MAN1C1: variants seen among roughly 807,000 people sequenced by gnomAD.
The protein encoded by MAN1C1 is mannosidase alpha class 1C member 1.
In MAN1C1, 49 loss-of-function variants were observed where a neutral mutation model predicts 71.5. The observed-to-expected ratio is 0.69, with a 90% CI of 0.54 to 0.87. The LOEUF is 0.87. MAN1C1 is among the 40% of genes least tolerant of loss of function. The pLI is 0.00. For synonymous variants in MAN1C1, 352 were observed against 343.7 expected (o/e 1.02, Z -0.27); for missense variants, 743 against 835.0 (o/e 0.89, Z 1.36).
intron 1 of MAN1C1, among the ~76,000 whole-genome samples, chr1:25,636,934 C>T (rs939828122): frequency 6.6e-6 from 1 of 152,092 alleles, no homozygotes; most frequent in African/African-American, 2.4e-5. Flanking sequence ...GCAGGTGGAT[C>T]ACTTGGGGTC....
At chr1:25,700,810 C>A (rs1310152037) in intron 2 of MAN1C1, among the ~76,000 whole-genome samples, 1 of 152,152 alleles carries the variant, frequency 6.6e-6, no homozygotes, top group Non-Finnish European at 1.5e-5. Context: ...GGGGGACAGG[C>A]CAGGCCAAGC....
intron 1 of MAN1C1, among the ~76,000 whole-genome samples, chr1:25,673,768 A>G (rs1054625294): frequency 4.6e-5 from 7 of 152,200 alleles, no homozygotes; most frequent in Non-Finnish European, 1.0e-4. Flanking sequence ...GCATGACACA[A>G]TATGTCCCAT....
At position 25,784,225 on chromosome 1, in the gene MAN1C1, A is replaced by C. The variant is rs2047737055; in HGVS notation, c.*436A>C. ...TTCTAAAATGGTGTCATCCTGAAAAACAAAACCCAGTGTTTGCACACACAC... is the reference window on the plus strand; with the variant it reads ...TTCTAAAATGGTGTCATCCTGAAAACCAAAACCCAGTGTTTGCACACACAC... On this transcript the variant is annotated 3_prime_UTR_variant, in exon 12 of 12. Coordinates refer to ENST00000374332, the MANE Select transcript of MAN1C1 (RefSeq NM_020379.4). 6.4e-6 allele frequency: 1 copy of C among 156,136 alleles called. No homozygotes were observed. Among genetic ancestry groups the C allele is most frequent in the African/African-American group, 2.4e-5 (1 of 41,538 alleles). The allele number at this position is 156,136 out of a possible 1,614,324, so 9.7% of individuals were successfully genotyped here.
Position 25,617,876 on chromosome 1 carries a change from C to A in MAN1C1, c.79C>A (p.Leu27Ile), listed in dbSNP as rs767840940. ...GCTGCCGCAGAAGTTCCTCTTCCTC[C>A]TCTTCCTCTCGGGCCTGGTCACCCT... The part of the protein sequence containing the change: ...LRLPQKFLFL[L>I]FLSGLVTLCF... Residue 27 changes from leucine to isoleucine, a missense_variant, in exon 1 of 12, where the codon CTC becomes ATC. Physicochemically the swap from Leu to Ile is conservative, Grantham distance 5 (BLOSUM62 2). Coordinates refer to ENST00000374332, the MANE Select transcript of MAN1C1 (RefSeq NM_020379.4). The surrounding 1 kb of genome is among the most constrained non-coding windows in gnomAD (Gnocchi z 5.1). 6.2e-7 allele frequency: 1 copy of A among 1,608,704 alleles called. No individual in the cohort carries two copies. The highest frequency in any genetic ancestry group is 8.5e-7 in the Non-Finnish European group (1 of 1,178,324).
chr1:25,687,139 G>A (rs758553536), intron 2 of MAN1C1, among the ~76,000 whole-genome samples: 10 of 152,130 alleles, frequency 6.6e-5, no homozygotes, highest in Admixed American at 6.5e-5. Context: ...AAACAAAAGG[G>A]TATAGAGTCA....
intron 1 of MAN1C1, among the ~76,000 whole-genome samples, chr1:25,652,769 G>A (rs922504463): frequency 2.0e-5 from 3 of 152,178 alleles, no homozygotes; most frequent in Non-Finnish European, 4.4e-5. Context: ...GCAGTGCTCA[G>A]CAGGGTGCCT....
At position 25,617,668 on chromosome 1, in the gene MAN1C1, A is replaced by G. The variant is rs1012188987; in HGVS notation, c.-130A>G. The G allele has an allele frequency of 8.2e-6, 6 of 729,516 alleles. No homozygotes were observed. Among genetic ancestry groups the G allele is most frequent in the Non-Finnish European group, 1.3e-5 (6 of 475,036 alleles). 45.2% of individuals were successfully genotyped at this position (729,516 alleles called of 1,614,324 possible). On this transcript the variant is annotated 5_prime_UTR_variant, in exon 1 of 12. Coordinates refer to ENST00000374332, the MANE Select transcript of MAN1C1 (RefSeq NM_020379.4). This position sits in a 1 kb window ranked among gnomAD's most constrained non-coding sequence, Gnocchi z 5.1. The stretch of plus-strand genomic sequence containing the variant: ...GGGGACAGTCCCCCGAAGCGGCGAA[A>G]CTCTCAGGGTTGGCAACCCTGCCCA...
intron 1 of MAN1C1, among the ~76,000 whole-genome samples, chr1:25,669,938 A>G (rs1372166481): frequency 6.6e-6 from 1 of 152,248 alleles, no homozygotes; most frequent in African/African-American, 2.4e-5. Flanking sequence ...TGTCAGGAGA[A>G]TGTTGCTGAT....
rs996082673 is a variant in MAN1C1, at chr1:25,776,937, C to T, written c.1258-1168C>T. On this transcript the variant is annotated intron_variant, in intron 8 of 11. Coordinates refer to ENST00000374332, the MANE Select transcript of MAN1C1 (RefSeq NM_020379.4). This position sits in a 1 kb window ranked among gnomAD's most constrained non-coding sequence, Gnocchi z 4.3. The stretch of plus-strand genomic sequence containing the variant: ...TTAATGCTCTTATCCCCAGTTTACA[C>T]GTTAGGAAACTGAGGCACAGAGAGA... Among the ~76,000 whole-genome samples, 5 of 152,112 alleles carry T rather than the reference C, an allele frequency of 3.3e-5. No homozygotes were observed. Among genetic ancestry groups the T allele is most frequent in the African/African-American group, 7.2e-5 (3 of 41,392 alleles).
In MAN1C1 at chr1:25,623,620, C is replaced by A. The variant is rs574484348; in HGVS notation, c.540+5283C>A. Among the ~76,000 whole-genome samples the A allele has an allele frequency of 3.9e-5, 6 of 152,320 alleles. 1 individual carries two copies. In the South Asian group the frequency reaches 1.2e-3, roughly 32 times the overall value. Reference sequence around the variant, plus strand: ...GGCATACTTTGCTCAAAGGGACTTACATCTTTTCTCTTATTGAAAAAAATA... The same window carrying A: ...GGCATACTTTGCTCAAAGGGACTTAAATCTTTTCTCTTATTGAAAAAAATA... On this transcript the variant is annotated intron_variant, in intron 1 of 11. Coordinates refer to ENST00000374332, the MANE Select transcript of MAN1C1 (RefSeq NM_020379.4).
intron 5 of MAN1C1, among the ~76,000 whole-genome samples, chr1:25,756,983 T>G (rs1392498380): frequency 6.6e-6 from 1 of 152,038 alleles, no homozygotes; most frequent in East Asian, 1.9e-4. Context: ...AGGATGAAGG[T>G]GGCTGTCTCT....
Position 25,634,934 on chromosome 1 carries a change from T to C in MAN1C1, c.540+16597T>C, listed in dbSNP as rs2124756004. Among the ~76,000 whole-genome samples the C allele has an allele frequency of 6.6e-6, 1 of 152,214 alleles. No homozygotes were observed. The highest frequency in any genetic ancestry group is 1.9e-4 in the East Asian group (1 of 5,186). On this transcript the variant is annotated intron_variant, in intron 1 of 11. Coordinates refer to ENST00000374332, the MANE Select transcript of MAN1C1 (RefSeq NM_020379.4). This position sits in a 1 kb window ranked among gnomAD's most constrained non-coding sequence, Gnocchi z 4.6. ...TATGTTTATGAGGGATATTGGTCTATAGTTTTTTTTTTTGTAAATCCTTTG... is the reference window on the plus strand; with the variant it reads ...TATGTTTATGAGGGATATTGGTCTACAGTTTTTTTTTTTGTAAATCCTTTG...
At chr1:25,701,822 G>T (rs1192046741) in intron 2 of MAN1C1, among the ~76,000 whole-genome samples, 5 of 152,232 alleles carry the variant, frequency 3.3e-5, no homozygotes, top group Non-Finnish European at 7.3e-5. Context: ...CACTTTGGGA[G>T]GCCCAGGCGG....
intron 1 of MAN1C1, among the ~76,000 whole-genome samples, chr1:25,635,942 G>T (rs1454865713): frequency 6.6e-6 from 1 of 152,192 alleles, no homozygotes; most frequent in Non-Finnish European, 1.5e-5. Flanking sequence ...AGAGTACCAA[G>T]AGAGGAATTT....
chr1:25,758,531 G>C, intron 5 of MAN1C1, 61 bp from the exon 6 acceptor site: 1 of 1,453,934 alleles, frequency 6.9e-7, no homozygotes, highest in Non-Finnish European at 9.6e-7. Flanking sequence ...TGCTGTTACT[G>C]TCAGCAGAGG....
At chr1:25,734,099 G>A (rs982313013) in intron 2 of MAN1C1, among the ~76,000 whole-genome samples, 3 of 150,142 alleles carry the variant, frequency 2.0e-5, no homozygotes, top group Admixed American at 1.3e-4. Context: ...GCGCCCAGCC[G>A]AGCTTTTATT....
intron 2 of MAN1C1, among the ~76,000 whole-genome samples, chr1:25,702,194 G>A (rs890617293): frequency 6.6e-6 from 1 of 152,174 alleles, no homozygotes; most frequent in African/African-American, 2.4e-5. Flanking sequence ...GTCCCCGTGG[G>A]GCTGCTTAGA....
chr1:25,695,354 C>A (rs776391441), intron 2 of MAN1C1, among the ~76,000 whole-genome samples: 1 of 152,112 alleles, frequency 6.6e-6, no homozygotes, highest in Admixed American at 6.5e-5. Context: ...ATATAAAAGT[C>A]GGAGGAAATG....
chr1:25,780,354 T>G (rs559278602), intron 9 of MAN1C1, among the ~76,000 whole-genome samples: 1 of 152,244 alleles, frequency 6.6e-6, no homozygotes, highest in Admixed American at 6.5e-5. Flanking sequence ...GCTCCCTCTG[T>G]GGGAGTAGGT....
Sources: allele counts gnomAD v4.1 joint callset (sites outside exome capture counted in the v4.1 genomes callset), GRCh38; gene constraint gnomAD v4.1.1; non-coding constraint Gnocchi (gnomAD v3.1); transcripts MANE v1.5; gene names NCBI Gene and HGNC (gene_info 2026-07-23, HGNC 2026-07-21).